The following ATP10B variants were observed in gnomAD, a reference collection of about 807,000 sequenced individuals.
ATP10B encodes the protein phospholipid-transporting ATPase VB.
In ATP10B, 122 loss-of-function variants were observed where a neutral mutation model predicts 141.2. The ratio of observed to expected loss-of-function variants is 0.86; its 90% CI spans 0.75 to 1.00. ATP10B has a LOEUF of 1.00. Ranked by LOEUF, ATP10B falls within the 50% of genes least tolerant of loss-of-function variation. The pLI is 0.00. For missense variants in ATP10B, 1,876 were observed against 1,825.3 expected (o/e 1.03, Z -0.51); for synonymous variants, 685 against 692.0 (o/e 0.99, Z 0.16).
At chr5:160,856,352 A>G (rs926958832), upstream of ATP10B, among the ~76,000 whole-genome samples, 2 of 151,814 alleles carry the variant, frequency 1.3e-5, no homozygotes, top group African/African-American at 2.4e-5. Flanking sequence ...CTGTATGTTT[A>G]TCTTGTATTC....
the ATP10B span, among the ~76,000 whole-genome samples, chr5:160,890,190 T>C: frequency 1.3e-5 from 2 of 152,248 alleles, no homozygotes; most frequent in Admixed American, 1.3e-4. Flanking sequence ...AGTAATCTAA[T>C]AGAAGTTTCA....
intron 3 of ATP10B, among the ~76,000 whole-genome samples, chr5:160,708,776 T>C (rs1193119510): frequency 2.0e-5 from 3 of 152,324 alleles, no homozygotes; most frequent in Admixed American, 6.5e-5. Flanking sequence ...TTCTACGTCA[T>C]GATGGAAGAG....
At chr5:160,685,794 A>G (rs760868435) in intron 6 of ATP10B, among the ~76,000 whole-genome samples, 4 of 152,194 alleles carry the variant, frequency 2.6e-5, no homozygotes, top group Non-Finnish European at 2.9e-5. Flanking sequence ...TGACTGGTTA[A>G]TAATTGTTCC....
In ATP10B at chr5:160,832,518, CAAAT is replaced by C. The variant is rs920261428; in HGVS notation, c.-576+19419_-576+19422del. Among the ~76,000 whole-genome samples the C allele has an allele frequency of 3.9e-5, 6 of 152,010 alleles. No homozygotes were observed. In the East Asian group the frequency reaches 5.8e-4, roughly 15 times the overall value. The stretch of plus-strand genomic sequence containing the variant: ...TTACACACATATGCCCACACTGAAA[CAAAT>C]GAATGAATAAGGGTGTGTGAATGTG... On this transcript the variant is annotated intron_variant, in intron 1 of 25. Coordinates refer to ENST00000327245, the MANE Select transcript of ATP10B (RefSeq NM_025153.3).
intron 25 of ATP10B, among the ~76,000 whole-genome samples, chr5:160,568,612 T>C (rs922733263): frequency 6.6e-6 from 1 of 152,042 alleles, no homozygotes; most frequent in South Asian, 2.1e-4. Context: ...GGCCTTTGAG[T>C]TGGGAGAACC....
At chr5:160,744,331 T>TG (rs1328653019) in intron 2 of ATP10B, among the ~76,000 whole-genome samples, 1 of 152,198 alleles carries the variant, frequency 6.6e-6, no homozygotes, top group Non-Finnish European at 1.5e-5. Flanking sequence ...TTCTGAATGC[T>TG]GTCATTTCTC....
At chr5:160,855,854 C>T (rs1753983335), upstream of ATP10B, among the ~76,000 whole-genome samples, 1 of 151,280 alleles carries the variant, frequency 6.6e-6, no homozygotes. Context: ...ACTGTCCTTC[C>T]TCCATTGAAT....
chr5:160,790,074 G>A (rs1771457475), intron 1 of ATP10B, among the ~76,000 whole-genome samples: 1 of 152,150 alleles, frequency 6.6e-6, no homozygotes, highest in African/African-American at 2.4e-5. Context: ...AATGAGGCCA[G>A]AGTTAATCTC....
intron 2 of ATP10B, among the ~76,000 whole-genome samples, chr5:160,751,662 T>C (rs534007813): frequency 1.3e-5 from 2 of 152,290 alleles, no homozygotes; most frequent in South Asian, 2.1e-4. Context: ...CCATCAGAAC[T>C]GATGTGTGTC....
rs145134793 is a variant in ATP10B at position 160,783,952 on chromosome 5, A to G, written c.-331+1607T>C. On this transcript the variant is annotated intron_variant, in intron 2 of 25. Transcript: ENST00000327245. The stretch of plus-strand genomic sequence containing the variant: ...CTTGCAGAAGGACTTGCCTCTATGC[A>G]TATACACATCCTGTGTCCCACTTAT... 6.6e-5 allele frequency among the ~76,000 whole-genome samples: 10 copies of G among 152,204 alleles called. No individual in the cohort carries two copies. In the East Asian group the frequency reaches 1.5e-3, roughly 24 times the overall value.
chr5:160,683,230 C>T (rs115152248), intron 6 of ATP10B, among the ~76,000 whole-genome samples: 2,647 of 152,178 alleles, frequency 0.017, 73 homozygotes, highest in African/African-American at 0.06. Context: ...GTGCTCATAA[C>T]ATTCAAGACA....
intron 21 of ATP10B, among the ~76,000 whole-genome samples, chr5:160,600,675 A>G (rs10515813): frequency 0.036 from 5,506 of 152,186 alleles, 211 homozygotes; most frequent in East Asian, 0.21. Flanking sequence ...CTTGTTTTTC[A>G]CTTCTGCCTA....
intron 2 of ATP10B, among the ~76,000 whole-genome samples, chr5:160,770,113 ATTCT>A (rs1445528371): frequency 2.6e-5 from 4 of 151,850 alleles, no homozygotes; most frequent in Admixed American, 6.6e-5. Context: ...CTCCTAATGT[ATTCT>A]TTGTTTCTGT....
chr5:160,830,531 C>G (rs10076350), intron 1 of ATP10B, among the ~76,000 whole-genome samples: 1 of 151,974 alleles, frequency 6.6e-6, no homozygotes, highest in African/African-American at 2.4e-5. Flanking sequence ...CAAGTGTGCT[C>G]CCAGCTGTAG....
At chr5:160,722,843 A>G (rs6556520) in intron 2 of ATP10B, among the ~76,000 whole-genome samples, 117,043 of 152,112 alleles carry the variant, frequency 0.77, 45,355 homozygotes, top group African/African-American at 0.85. Flanking sequence ...AGAGATGAGC[A>G]ACACCTTGAC....
chr5:160,831,750 C>A (rs897025294), intron 1 of ATP10B, among the ~76,000 whole-genome samples: 3 of 152,008 alleles, frequency 2.0e-5, no homozygotes, highest in East Asian at 3.9e-4. Flanking sequence ...ATTGAAGAAA[C>A]AAACATATAA....
At chr5:160,914,426 G>T in the ATP10B span, among the ~76,000 whole-genome samples, 1 of 152,128 alleles carries the variant, frequency 6.6e-6, no homozygotes, top group African/African-American at 2.4e-5. Context: ...CCAAGTCCCT[G>T]AAATAAAATG....
intron 1 of ATP10B, among the ~76,000 whole-genome samples, chr5:160,816,324 C>T (rs1346227942): frequency 6.6e-6 from 1 of 151,860 alleles, no homozygotes; most frequent in East Asian, 1.9e-4. Context: ...GGGGATATCA[C>T]CACCAATCCC....
rs115336037 is a variant in ATP10B at position 160,839,337 on chromosome 5, C to T, written c.-576+12604G>A. ...AATTCAGTGATTAAGTGCAGAGTGG[C>T]AGAAAAAAACCCTTCAGATATGTAG... On this transcript the variant is annotated intron_variant, in intron 1 of 25. Transcript: ENST00000327245. Among the ~76,000 whole-genome samples, 915 of 151,800 alleles carry T rather than the reference C, an allele frequency of 6.0e-3. 13 individuals are homozygous for T. Among genetic ancestry groups the T allele is most frequent in the African/African-American group, 0.021 (871 of 41,396 alleles).
Sources: allele counts gnomAD v4.1 joint callset (sites outside exome capture counted in the v4.1 genomes callset), GRCh38; gene constraint gnomAD v4.1.1; transcripts MANE v1.5; gene names NCBI Gene and HGNC (gene_info 2026-07-23, HGNC 2026-07-21).